KCNN2: variants seen among roughly 807,000 people sequenced by gnomAD.
KCNN2 encodes potassium calcium-activated channel subfamily N member 2, also known as small conductance calcium-activated potassium channel protein 2.
KCNN2 carries 24 observed loss-of-function variants against 55.5 expected under a neutral mutation model. That is an observed-to-expected ratio of 0.43 (90% CI 0.31 to 0.61). KCNN2 has a LOEUF of 0.61. Ranked by LOEUF, KCNN2 falls within the 20% of genes least tolerant of loss-of-function variation. The probability of loss-of-function intolerance (pLI) is 0.08; values close to 1 mark genes in which losing one functional copy is unlikely to be tolerated. For missense variants in KCNN2, 754 were observed against 853.6 expected, an observed-to-expected ratio of 0.88 and a Z score of 1.45; for synonymous variants, 431 against 336.1, an observed-to-expected ratio of 1.28 and a Z score of -3.09.
chr5:114,328,872 A>G (rs1052318159), intron 2 of KCNN2, among the ~76,000 whole-genome samples: 1 of 152,220 alleles, frequency 6.6e-6, no homozygotes, highest in Admixed American at 6.5e-5. Flanking sequence ...AGCAAATGCC[A>G]AAAGACAATT....
chr5:114,163,047 G>A lies in KCNN2; in HGVS notation c.-270-58433G>A, dbSNP rs144048786. Among the ~76,000 whole-genome samples the A allele has an allele frequency of 3.5e-3, 533 of 152,220 alleles. 2 individuals carry two copies. The highest frequency in any genetic ancestry group is 0.012 in the African/African-American group (500 of 41,530). On this transcript the variant is annotated intron_variant, in intron 1 of 10. Coordinates refer to the KCNN2 transcript ENST00000512097. ...CTGGCAATCCCCAGTGAGATGAACC[G>A]GGTACCTCATTTGGAAATGCAGAAA...
intron 1 of KCNN2, among the ~76,000 whole-genome samples, chr5:114,100,883 A>G (rs557698872): frequency 1.3e-5 from 2 of 152,182 alleles, no homozygotes; most frequent in African/African-American, 4.8e-5. Flanking sequence ...ATTATAAAAC[A>G]TTTAGTTAAG....
At chr5:114,357,280 T>G (rs1247733304), upstream of KCNN2, among the ~76,000 whole-genome samples, 1 of 151,114 alleles carries the variant, frequency 6.6e-6, no homozygotes, top group Non-Finnish European at 1.5e-5. Flanking sequence ...GGGATTGGAG[T>G]GCAAACAACA....
chr5:114,461,280 C>T (rs1367978577), intron 3 of KCNN2, among the ~76,000 whole-genome samples: 2 of 152,254 alleles, frequency 1.3e-5, no homozygotes, highest in South Asian at 2.1e-4. Context: ...ATATGACTTT[C>T]CTTTTGACAA....
chr5:114,118,184 A>G (rs1751748695), intron 1 of KCNN2, among the ~76,000 whole-genome samples: 1 of 152,106 alleles, frequency 6.6e-6, no homozygotes, highest in South Asian at 2.1e-4. Flanking sequence ...TTGAACTCTC[A>G]CGATTTCCAG....
chr5:114,411,928 T>C (rs1759148112), intron 3 of KCNN2, among the ~76,000 whole-genome samples: 2 of 152,170 alleles, frequency 1.3e-5, no homozygotes, highest in African/African-American at 4.8e-5. Flanking sequence ...AATATTACAG[T>C]CAAATCATGC....
At chr5:114,486,274 C>G (rs1747515386) in intron 5 of KCNN2, among the ~76,000 whole-genome samples, 2 of 152,114 alleles carry the variant, frequency 1.3e-5, no homozygotes, top group South Asian at 4.2e-4. Context: ...TCATCAGATC[C>G]CATAGTGTGA....
At chr5:114,173,871 A>G (rs560795407) in intron 1 of KCNN2, among the ~76,000 whole-genome samples, 2 of 152,116 alleles carry the variant, frequency 1.3e-5, no homozygotes, top group Admixed American at 6.6e-5. Context: ...TAGCACTGAG[A>G]TGGCAGATTC....
At chr5:114,071,263 T>A (rs1750562922) in intron 1 of KCNN2, among the ~76,000 whole-genome samples, 1 of 152,166 alleles carries the variant, frequency 6.6e-6, no homozygotes. Flanking sequence ...GAAAATTCCC[T>A]AAACTACAGA....
At chr5:114,473,763 A>G (rs185602515) in intron 5 of KCNN2, among the ~76,000 whole-genome samples, 5 of 152,284 alleles carry the variant, frequency 3.3e-5, no homozygotes, top group East Asian at 1.9e-4. Context: ...CACTGTTCCA[A>G]GTGTGCCATG....
At chr5:114,299,800 A>G (rs949524459) in intron 2 of KCNN2, among the ~76,000 whole-genome samples, 1 of 152,162 alleles carries the variant, frequency 6.6e-6, no homozygotes, top group African/African-American at 2.4e-5. Flanking sequence ...TGAGGAGGCC[A>G]TGGCAACCCA....
At chr5:114,320,304 A>C (rs1756590066) in intron 2 of KCNN2, among the ~76,000 whole-genome samples, 1 of 152,014 alleles carries the variant, frequency 6.6e-6, no homozygotes, top group South Asian at 2.1e-4. Flanking sequence ...AAAAAATTTT[A>C]GTCCAATTTA....
At chr5:114,411,572 G>C (rs61115935) in intron 3 of KCNN2, among the ~76,000 whole-genome samples, 4,231 of 152,224 alleles carry the variant, frequency 0.028, 168 homozygotes, top group African/African-American at 0.093. Flanking sequence ...AAGTCCTAGA[G>C]TCCAAAGGCT....
intron 1 of KCNN2, among the ~76,000 whole-genome samples, chr5:114,096,576 A>C (rs1296294386): frequency 6.6e-6 from 1 of 151,968 alleles, no homozygotes; most frequent in Non-Finnish European, 1.5e-5. Flanking sequence ...CCAGGCCTGG[A>C]TTTGAAGTTC....
chr5:114,340,229 G>C, intron 2 of KCNN2, among the ~76,000 whole-genome samples: 1 of 152,108 alleles, frequency 6.6e-6, no homozygotes, highest in East Asian at 1.9e-4. Flanking sequence ...AATCCAAATG[G>C]TCACTTGCGT....
chr5:114,056,608 C>T (rs1477114620), intron 1 of KCNN2: 2 of 393,432 alleles, frequency 5.1e-6, no homozygotes, highest in Non-Finnish European at 8.9e-6. Flanking sequence ...TCACTCCTCC[C>T]CTCCCTCTTG....
intron 2 of KCNN2, among the ~76,000 whole-genome samples, chr5:114,285,723 G>T (rs993991121): frequency 6.6e-6 from 1 of 152,122 alleles, no homozygotes; most frequent in Non-Finnish European, 1.5e-5. Flanking sequence ...GGTAACAGAT[G>T]ATGATGCTTT....
intron 2 of KCNN2, among the ~76,000 whole-genome samples, chr5:114,369,003 A>T (rs888182299): frequency 6.6e-6 from 1 of 152,110 alleles, no homozygotes; most frequent in Non-Finnish European, 1.5e-5. Flanking sequence ...ATTAAAATGA[A>T]CATCCTTATA....
At chr5:114,276,114 T>G (rs1387410223) in intron 2 of KCNN2, among the ~76,000 whole-genome samples, 1 of 152,216 alleles carries the variant, frequency 6.6e-6, no homozygotes, top group Admixed American at 6.5e-5. Context: ...AGCAGGTTGT[T>G]CAGTTTCCAT....
Sources: allele counts gnomAD v4.1 joint callset (sites outside exome capture counted in the v4.1 genomes callset), GRCh38; gene constraint gnomAD v4.1.1; transcripts MANE v1.5; gene names NCBI Gene and HGNC (gene_info 2026-07-23, HGNC 2026-07-21).